The following RIN2 variants were observed in gnomAD, a reference collection of about 807,000 sequenced individuals.
RIN2 encodes the protein Ras and Rab interactor 2, also known as RAB5 interacting protein 2.
A neutral mutation model predicts 78.0 loss-of-function variants in RIN2; 36 were observed. The ratio of observed to expected loss-of-function variants is 0.46; its 90% CI spans 0.35 to 0.61. RIN2 has a LOEUF of 0.61. RIN2 is among the 20% of genes least tolerant of loss of function. The pLI, the probability that RIN2 is intolerant of heterozygous loss-of-function variation, is 0.00. For synonymous variants in RIN2, 466 were observed against 466.8 expected, an observed-to-expected ratio of 1.00 and a Z score of 0.02; for missense variants, 1,087 against 1,159.7, an observed-to-expected ratio of 0.94 and a Z score of 0.91.
chr20:19,920,693 T>G (rs2039880165), intron 3 of RIN2, among the ~76,000 whole-genome samples: 1 of 152,262 alleles, frequency 6.6e-6, no homozygotes, highest in South Asian at 2.1e-4. Context: ...TTGTTTTCTT[T>G]GAGACAGAGT....
chr20:19,992,410 C>T lies in RIN2; in HGVS notation c.2200+111C>T, dbSNP rs182480710. On this transcript the variant is annotated intron_variant, in intron 11 of 12. Coordinates refer to ENST00000255006, the MANE Select transcript of RIN2 (RefSeq NM_018993.4). ...ATTAATCATTTTACAGTGAATAATT[C>T]AGTGGCATTTAGTATATTCACAATG... 7.5e-4 allele frequency: 796 copies of T among 1,064,588 alleles called. 5 individuals are homozygous for T. In the African/African-American group the frequency reaches 0.012, roughly 16 times the overall value. The allele number at this position is 1,064,588 out of a possible 1,614,324, so 65.9% of individuals were successfully genotyped here. A position where few individuals can be genotyped will look rare whatever the true frequency, so the allele number is the denominator to read the frequency against.
chr20:19,934,030 GA>G (rs1381294362), intron 3 of RIN2, among the ~76,000 whole-genome samples: 1 of 152,000 alleles, frequency 6.6e-6, no homozygotes, highest in African/African-American at 2.4e-5. Context: ...GGCTGGTCTT[GA>G]ACTCCTGACC....
chr20:19,899,138 TC>T lies in RIN2; in HGVS notation c.57+9484del, dbSNP rs567659524. Reference sequence around the variant, plus strand: ...CCTCTCCTTTCCTTGTTCCCAAATATCCCCAACCAAGGATTTTTGCCTTAAA... The same window carrying T: ...CCTCTCCTTTCCTTGTTCCCAAATATCCCAACCAAGGATTTTTGCCTTAAA... On this transcript the variant is annotated intron_variant, in intron 3 of 12. Coordinates refer to ENST00000255006, the MANE Select transcript of RIN2 (RefSeq NM_018993.4). Among the ~76,000 whole-genome samples, 30 of 152,262 alleles carry T rather than the reference TC, an allele frequency of 2.0e-4. No homozygotes were observed. The East Asian group carries it at 5.8e-3, about 29-fold the overall frequency.
intron 2 of RIN2, among the ~76,000 whole-genome samples, chr20:19,834,166 T>C (rs2036334829): frequency 1.3e-5 from 2 of 152,182 alleles, no homozygotes; most frequent in South Asian, 4.1e-4. Flanking sequence ...GCCTAGTTAA[T>C]GGATCAGCCC....
chr20:19,984,919 T>C (rs2042578229), intron 9 of RIN2, among the ~76,000 whole-genome samples: 1 of 152,248 alleles, frequency 6.6e-6, no homozygotes, highest in Non-Finnish European at 1.5e-5. Flanking sequence ...TACTTTGTGT[T>C]GTTTGAACAA....
intron 12 of RIN2, among the ~76,000 whole-genome samples, chr20:20,000,202 C>T (rs551081353): frequency 2.6e-5 from 4 of 152,194 alleles, no homozygotes; most frequent in Non-Finnish European, 5.9e-5. Flanking sequence ...GAGCACAGTA[C>T]GTGCTTTTGT....
intron 7 of RIN2, among the ~76,000 whole-genome samples, chr20:19,968,809 T>G (rs920401198): frequency 6.6e-6 from 1 of 152,178 alleles, no homozygotes; most frequent in Non-Finnish European, 1.5e-5. Flanking sequence ...ACAGTCTAGT[T>G]TGGTGTTACA....
intron 7 of RIN2, 147 bp downstream of exon 7, chr20:19,965,171 A>T: frequency 1.5e-6 from 1 of 684,844 alleles, no homozygotes; most frequent in Non-Finnish European, 2.6e-6. Context: ...AATGTTCACC[A>T]AGTGAACAGG....
intron 4 of RIN2, among the ~76,000 whole-genome samples, chr20:19,936,010 G>T (rs13042178): frequency 0.31 from 47,753 of 152,150 alleles, 9,512 homozygotes; most frequent in Non-Finnish European, 0.44. Context: ...GGTTTTGCCT[G>T]CAAGTCATGC....
intron 2 of RIN2, among the ~76,000 whole-genome samples, chr20:19,836,138 A>G (rs2036412878): frequency 6.6e-6 from 1 of 152,156 alleles, no homozygotes; most frequent in African/African-American, 2.4e-5. Context: ...TGTTCCCACG[A>G]CTGGTATCAT....
At chr20:19,957,345 C>A (rs761554932) in intron 5 of RIN2, among the ~76,000 whole-genome samples, 86 of 152,180 alleles carry the variant, frequency 5.7e-4, no homozygotes, top group Non-Finnish European at 9.4e-4. Context: ...ACTGTCCGTC[C>A]CATCCAGACC....
intron 2 of RIN2, chr20:19,889,241 T>C (rs2038330627): frequency 2.0e-6 from 2 of 1,020,136 alleles, no homozygotes; most frequent in African/African-American, 3.4e-5. Flanking sequence ...GTGCAGATGA[T>C]GGGGACATCT....
chr20:20,000,804 C>T lies in RIN2; in HGVS notation c.2556C>T (p.Tyr852=). Residue 852 remains tyrosine, a synonymous_variant, in exon 13 of 13, where the codon TAC becomes TAT. Transcript: ENST00000255006. ...ETWQQLAEDT[Y]PQKIKAELHS... is the part of the protein sequence containing the mutation. ...GGCAGCAGCTGGCAGAGGACACTTA[C>T]CCTCAAAAAATCAAGGCGGAGCTGC... 6.2e-7 allele frequency: 1 copy of T among 1,613,972 alleles called. No individual in the cohort carries two copies.
chr20:19,787,346 C>G (rs748869765), intron 1 of RIN2, among the ~76,000 whole-genome samples: 4 of 150,678 alleles, frequency 2.7e-5, no homozygotes, highest in Non-Finnish European at 4.4e-5. Flanking sequence ...TTGCTTGAAC[C>G]CAGGAGGCAG....
chr20:19,916,881 A>T (rs536581604), intron 3 of RIN2, among the ~76,000 whole-genome samples: 12 of 152,262 alleles, frequency 7.9e-5, no homozygotes, highest in African/African-American at 2.9e-4. Flanking sequence ...CCACTTGGGG[A>T]GATGCTGCTT....
chr20:19,802,658 C>T (rs537578918), intron 2 of RIN2, among the ~76,000 whole-genome samples: 1 of 152,168 alleles, frequency 6.6e-6, no homozygotes, highest in Admixed American at 6.5e-5. Flanking sequence ...CCTACTTTCA[C>T]CTGGGTCGCT....
chr20:19,943,975 CTTTTTTT>C (rs58524523), intron 4 of RIN2, among the ~76,000 whole-genome samples: 3,720 of 95,834 alleles, frequency 0.039, 97 homozygotes, highest in Non-Finnish European at 0.053. Flanking sequence ...TTTCAATATC[CTTTTTTT>C]TTTTTTTTTT....
intron 3 of RIN2, among the ~76,000 whole-genome samples, chr20:19,904,240 A>AT (rs1333414799): frequency 0.018 from 1,671 of 91,640 alleles, 21 homozygotes; most frequent in African/African-American, 0.039. Flanking sequence ...TCAAAAAAAA[A>AT]ATATATATAT....
At chr20:19,842,455 T>G (rs576293796) in intron 2 of RIN2, among the ~76,000 whole-genome samples, 4 of 134,542 alleles carry the variant, frequency 3.0e-5, no homozygotes, top group Non-Finnish European at 6.2e-5. Context: ...TTGGCCAGGC[T>G]GGTCTCGAAC....
Sources: allele counts gnomAD v4.1 joint callset (sites outside exome capture counted in the v4.1 genomes callset), GRCh38; gene constraint gnomAD v4.1.1; transcripts MANE v1.5; gene names NCBI Gene and HGNC (gene_info 2026-07-23, HGNC 2026-07-21).